Variants in PALLD observed in about 807,000 individuals in gnomAD.
The protein encoded by PALLD is palladin, cytoskeletal associated protein.
A neutral mutation model predicts 123.5 loss-of-function variants in PALLD; 61 were observed. The observed-to-expected ratio is 0.49, with a 90% CI of 0.40 to 0.61. The LOEUF (loss-of-function observed/expected upper bound fraction) is 0.61. Ranked by LOEUF, PALLD falls within the 20% of genes least tolerant of loss-of-function variation. The pLI is 0.00. For missense variants in PALLD, 1,273 were observed against 1,377.0 expected (o/e 0.92, Z 1.20); for synonymous variants, 465 against 496.4 (o/e 0.94, Z 0.84).
chr4:168,913,989 C>G lies in PALLD; in HGVS notation c.2685C>G (p.Pro895=). The change falls in exon 16 of 22, where the codon CCC becomes CCG. Residue 895 remains proline, a synonymous_variant. Transcript: ENST00000505667. The part of the protein sequence containing the change: ...VQAVNQRGRS[P]RSPSGHPHVR... ...CTGTCAACCAAAGAGGTCGAAGTCCCCGGTCTCCCTCAGGCCATCCTCATG... is the reference window on the plus strand; with the variant it reads ...CTGTCAACCAAAGAGGTCGAAGTCCGCGGTCTCCCTCAGGCCATCCTCATG... The G allele has an allele frequency of 1.2e-6, 2 of 1,611,920 alleles. No individual in the cohort carries two copies. The highest frequency in any genetic ancestry group is 1.7e-6 in the Non-Finnish European group (2 of 1,178,020).
chr4:168,885,468 T>C (rs905035706), intron 10 of PALLD: 7 of 152,206 alleles, frequency 4.6e-5, no homozygotes, highest in African/African-American at 1.7e-4. Flanking sequence ...TTTTAAACCA[T>C]ATAGCCTCTA....
chr4:168,806,001 A>AC (rs1414833763), intron 10 of PALLD, among the ~76,000 whole-genome samples: 3 of 152,160 alleles, frequency 2.0e-5, no homozygotes, highest in Non-Finnish European at 4.4e-5. Context: ...ATGGGGGCGG[A>AC]CGTTCCCTTT....
chr4:168,731,505 T>C (rs905581829), intron 10 of PALLD, among the ~76,000 whole-genome samples: 1 of 152,232 alleles, frequency 6.6e-6, no homozygotes, highest in Non-Finnish European at 1.5e-5. Context: ...CGTGAAATAA[T>C]GTGCTAGCAC....
At chr4:168,676,765 G>A (rs1780888527) in intron 3 of PALLD, among the ~76,000 whole-genome samples, 1 of 150,508 alleles carries the variant, frequency 6.6e-6, no homozygotes, top group Non-Finnish European at 1.5e-5. Flanking sequence ...AGTTTTAGTA[G>A]AGATGGGGTT....
intron 10 of PALLD, among the ~76,000 whole-genome samples, chr4:168,820,719 C>G (rs1052186938): frequency 6.6e-6 from 1 of 151,856 alleles, no homozygotes; most frequent in Non-Finnish European, 1.5e-5. Flanking sequence ...TGACTATGAC[C>G]AAAGGTATGA....
intron 10 of PALLD, among the ~76,000 whole-genome samples, chr4:168,827,119 A>G (rs1743521751): frequency 6.6e-6 from 1 of 152,224 alleles, no homozygotes; most frequent in Non-Finnish European, 1.5e-5. Context: ...AGTTATGTCT[A>G]TATAAGTACA....
intron 2 of PALLD, among the ~76,000 whole-genome samples, chr4:168,567,578 T>C (rs1375519427): frequency 3.3e-5 from 5 of 149,468 alleles, no homozygotes; most frequent in African/African-American, 9.8e-5. Context: ...TATGTAGATA[T>C]ATATATTATA....
At chr4:168,669,505 G>A (rs1175281726) in intron 3 of PALLD, among the ~76,000 whole-genome samples, 1 of 152,146 alleles carries the variant, frequency 6.6e-6, no homozygotes, top group African/African-American at 2.4e-5. Flanking sequence ...GAGGTAAGGA[G>A]GGAGGATTGC....
chr4:168,695,796 A>G (rs191711369), intron 8 of PALLD, among the ~76,000 whole-genome samples: 1 of 152,236 alleles, frequency 6.6e-6, no homozygotes, highest in Admixed American at 6.5e-5. Flanking sequence ...TTGTTTAGGC[A>G]TAAACACTTA....
At chr4:168,750,226 C>T (rs1045365161) in intron 10 of PALLD, among the ~76,000 whole-genome samples, 1 of 152,162 alleles carries the variant, frequency 6.6e-6, no homozygotes, top group Non-Finnish European at 1.5e-5. Context: ...GGATTACAGG[C>T]GTGAACCAAT....
At chr4:168,500,251 T>C (rs1270120277) in intron 1 of PALLD, among the ~76,000 whole-genome samples, 1 of 152,222 alleles carries the variant, frequency 6.6e-6, no homozygotes, top group Non-Finnish European at 1.5e-5. Context: ...CTCTTTCTCA[T>C]GTATATTCCT....
intron 2 of PALLD, among the ~76,000 whole-genome samples, chr4:168,552,844 T>G (rs1766878624): frequency 6.6e-6 from 1 of 151,922 alleles, no homozygotes; most frequent in Admixed American, 6.6e-5. Context: ...ACCGGCTAAT[T>G]TTTTAATTTT....
At chr4:168,517,422 T>C (rs1763091833) in intron 2 of PALLD, among the ~76,000 whole-genome samples, 1 of 152,182 alleles carries the variant, frequency 6.6e-6, no homozygotes, top group Non-Finnish European at 1.5e-5. Context: ...TTTTATTTAC[T>C]ATATATAATT....
chr4:168,839,671 G>A (rs539555325), intron 10 of PALLD, among the ~76,000 whole-genome samples: 3 of 152,186 alleles, frequency 2.0e-5, no homozygotes, highest in African/African-American at 7.2e-5. Flanking sequence ...TGGAGCCGCC[G>A]TTTTACAGAG....
rs535380079 is a variant in PALLD at position 168,925,474 on chromosome 4, C to G, written c.*32+196C>G. The stretch of plus-strand genomic sequence containing the variant: ...TTTAACATTTCTTCCTATATTCTAT[C>G]GCAGTGTCCTAATGCACTCTAAACG... On this transcript the variant is annotated intron_variant, in intron 21 of 21. Transcript: ENST00000505667. 6 of 599,386 alleles carry G rather than the reference C, an allele frequency of 1.0e-5. No homozygotes were observed. The Admixed American group carries it at 1.7e-4, about 17-fold the overall frequency. The allele number at this position is 599,386 out of a possible 1,614,324, so 37.1% of individuals were successfully genotyped here.
At chr4:168,696,029 C>T (rs1783098961) in intron 8 of PALLD, among the ~76,000 whole-genome samples, 1 of 143,776 alleles carries the variant, frequency 7.0e-6, no homozygotes, top group South Asian at 2.1e-4. Flanking sequence ...CTAATCATAG[C>T]TTTTGAGCTT....
chr4:168,693,328 T>A (rs558296262), intron 8 of PALLD, among the ~76,000 whole-genome samples: 168 of 152,362 alleles, frequency 1.1e-3, no homozygotes, highest in African/African-American at 3.9e-3. Flanking sequence ...CTGTTTCAGT[T>A]AGTTTGTTGC....
intron 2 of PALLD, among the ~76,000 whole-genome samples, chr4:168,552,858 T>C (rs1198105825): frequency 6.6e-6 from 1 of 151,996 alleles, no homozygotes; most frequent in African/African-American, 2.4e-5. Context: ...TAATTTTTAA[T>C]AGAGACAGGG....
intron 2 of PALLD, among the ~76,000 whole-genome samples, chr4:168,559,131 A>G (rs1580312246): frequency 1.3e-5 from 2 of 152,268 alleles, no homozygotes; most frequent in East Asian, 3.8e-4. Flanking sequence ...GGAAAAACAT[A>G]GTAAAGTGTA....
Sources: allele counts gnomAD v4.1 joint callset (sites outside exome capture counted in the v4.1 genomes callset), GRCh38; gene constraint gnomAD v4.1.1; transcripts MANE v1.5; gene names NCBI Gene and HGNC (gene_info 2026-07-23, HGNC 2026-07-21).